Variants in ARHGAP20 observed in about 807,000 individuals in gnomAD.
ARHGAP20 encodes the protein Rho GTPase activating protein 20, also known as rho GTPase-activating protein 20.
Under a neutral mutation model 73.7 loss-of-function variants are expected in ARHGAP20, and 34 were observed. The observed-to-expected ratio is 0.46, with a 90% CI of 0.35 to 0.61. The LOEUF (loss-of-function observed/expected upper bound fraction) is 0.61, where lower values mean the gene tolerates loss of function less well. Ranked by LOEUF, ARHGAP20 falls within the 20% of genes least tolerant of loss-of-function variation. The probability of loss-of-function intolerance (pLI) is 0.00; values close to 1 mark genes in which losing one functional copy is unlikely to be tolerated. For missense variants in ARHGAP20, 1,314 were observed against 1,420.9 expected (o/e 0.92, Z 1.21); for synonymous variants, 523 against 518.2 (o/e 1.01, Z -0.13).
chr11:110,646,146 C>T lies in ARHGAP20; in HGVS notation c.189-15354G>A, dbSNP rs559558031. Among the ~76,000 whole-genome samples the T allele has an allele frequency of 2.6e-4, 40 of 152,254 alleles. No individual in the cohort carries two copies. In the South Asian group the frequency reaches 3.5e-3, roughly 13 times the overall value. ...AAAGTTGAAAAAAATCACCTAATAA[C>T]TCCTATTTAGGAAATTTATAAATAT... On this transcript the variant is annotated intron_variant, in intron 2 of 14. Coordinates refer to ENST00000683387, the MANE Select transcript of ARHGAP20 (RefSeq NM_001384657.1).
intron 2 of ARHGAP20, 24 bp from the exon 3 acceptor site, chr11:110,630,816 ATCAG>A (rs1345592422): frequency 2.5e-6 from 4 of 1,604,500 alleles, no homozygotes; most frequent in South Asian, 1.1e-5. Flanking sequence ...AATGCCACAG[ATCAG>A]TCAAACGATC....
chr11:110,662,615 A>G (rs1949640025), intron 2 of ARHGAP20, among the ~76,000 whole-genome samples: 1 of 151,930 alleles, frequency 6.6e-6, no homozygotes, highest in Middle Eastern at 3.2e-3. Flanking sequence ...TAATTCCTAC[A>G]TTCCCAGTGT....
intron 3 of ARHGAP20, 97 bp downstream of exon 3, chr11:110,630,531 G>C: frequency 7.9e-7 from 1 of 1,265,988 alleles, no homozygotes; most frequent in Admixed American, 2.3e-5. Context: ...AGTAACAAAG[G>C]CAAGACATTC....
intron 2 of ARHGAP20, among the ~76,000 whole-genome samples, chr11:110,675,844 CT>C (rs1949919405): frequency 6.6e-6 from 1 of 152,186 alleles, no homozygotes; most frequent in Admixed American, 6.5e-5. Context: ...CTGCTTTGTT[CT>C]CCTGTTTCTA....
intron 2 of ARHGAP20, among the ~76,000 whole-genome samples, chr11:110,650,227 A>G (rs536442887): frequency 2.0e-5 from 3 of 152,110 alleles, no homozygotes; most frequent in Non-Finnish European, 4.4e-5. Context: ...GTATGTATCG[A>G]GGTAGGATGC....
chr11:110,681,455 C>T (rs1950034903), intron 2 of ARHGAP20, among the ~76,000 whole-genome samples: 1 of 152,126 alleles, frequency 6.6e-6, no homozygotes, highest in Non-Finnish European at 1.5e-5. Context: ...TCGTTGAGTT[C>T]ATTCCCATTA....
intron 2 of ARHGAP20, among the ~76,000 whole-genome samples, chr11:110,686,234 A>T (rs535248375): frequency 3.3e-5 from 5 of 152,304 alleles, no homozygotes; most frequent in Admixed American, 3.3e-4. Flanking sequence ...ATTATAAAAA[A>T]GTGGACAAAA....
In ARHGAP20 at chr11:110,711,937, G is replaced by C. The variant is rs571981638; in HGVS notation, c.105+190C>G. On this transcript the variant is annotated intron_variant, in intron 1 of 14. Coordinates refer to ENST00000683387, the MANE Select transcript of ARHGAP20 (RefSeq NM_001384657.1). ...AAACGGAGAAGCGGGCGCTCTGCGGGAGGCGGCGGCGCTGCCGCTGGCCGT... is the reference window on the plus strand; with the variant it reads ...AAACGGAGAAGCGGGCGCTCTGCGGCAGGCGGCGGCGCTGCCGCTGGCCGT... The C allele has an allele frequency of 1.5e-3, 1,932 of 1,254,260 alleles. 27 individuals are homozygous for C. In the African/African-American group the frequency reaches 0.028, roughly 18 times the overall value. The allele number at this position is 1,254,260 out of a possible 1,614,324, so 77.7% of individuals were successfully genotyped here. A position where few individuals can be genotyped will look rare whatever the true frequency, so the allele number is the denominator to read the frequency against.
At chr11:110,685,506 T>TA (rs1463395018) in intron 2 of ARHGAP20, among the ~76,000 whole-genome samples, 2 of 152,060 alleles carry the variant, frequency 1.3e-5, no homozygotes, top group African/African-American at 4.8e-5. Flanking sequence ...AAAAAAATGT[T>TA]AAAATCTATG....
At chr11:110,630,518 T>A in intron 3 of ARHGAP20, 110 bp downstream of exon 3, 1 of 1,157,610 alleles carries the variant, frequency 8.6e-7, no homozygotes, top group Non-Finnish European at 1.2e-6. Context: ...AGATATTACC[T>A]ATAGTAACAA....
At chr11:110,617,055 C>T (rs571047015) in intron 4 of ARHGAP20, among the ~76,000 whole-genome samples, 8 of 152,226 alleles carry the variant, frequency 5.3e-5, no homozygotes, top group Admixed American at 3.9e-4. Context: ...CTTGGAAGGT[C>T]CCTTATGTTC....
intron 14 of ARHGAP20, among the ~76,000 whole-genome samples, chr11:110,582,042 C>A (rs985951497): frequency 2.0e-5 from 3 of 151,982 alleles, no homozygotes; most frequent in African/African-American, 7.3e-5. Flanking sequence ...AGTTAAAAAG[C>A]CCATCAAAAA....
At chr11:110,606,452 T>C in intron 9 of ARHGAP20, 109 bp downstream of exon 9, 8 of 1,205,776 alleles carry the variant, frequency 6.6e-6, no homozygotes, top group East Asian at 2.4e-5. Context: ...CTTTTCAAAA[T>C]ACTTAGCAAA....
At chr11:110,687,122 G>T (rs971774235) in intron 2 of ARHGAP20, among the ~76,000 whole-genome samples, 2 of 137,660 alleles carry the variant, frequency 1.5e-5, no homozygotes, top group Non-Finnish European at 3.1e-5. Flanking sequence ...TTTAAGACAG[G>T]GTCTGAGTGC....
intron 2 of ARHGAP20, among the ~76,000 whole-genome samples, chr11:110,657,766 A>G (rs755143802): frequency 9.9e-5 from 15 of 151,980 alleles, no homozygotes; most frequent in Non-Finnish European, 2.1e-4. Flanking sequence ...GTGGTGGCAC[A>G]TGCTTGTACT....
chr11:110,597,234 A>G (rs1217335186), intron 9 of ARHGAP20, among the ~76,000 whole-genome samples: 1 of 151,838 alleles, frequency 6.6e-6, no homozygotes, highest in Non-Finnish European at 1.5e-5. Flanking sequence ...GCACGTGTAT[A>G]CATATGTAAC....
Position 110,712,300 on chromosome 11 carries a change from G to A in ARHGAP20, c.-69C>T, listed in dbSNP as rs1025816307. On this transcript the variant is annotated 5_prime_UTR_variant, in exon 1 of 15. Transcript: ENST00000683387. ...CGATCATGTCCGCGGGCTGCCGGCCGGAGGGGCGAGGACGCGCGGGCGGAG... is the reference window on the plus strand; with the variant it reads ...CGATCATGTCCGCGGGCTGCCGGCCAGAGGGGCGAGGACGCGCGGGCGGAG... 9.1e-6 allele frequency: 11 copies of A among 1,210,624 alleles called. No individual in the cohort carries two copies. The highest frequency in any genetic ancestry group is 1.2e-5 in the Non-Finnish European group (11 of 951,198). The allele number at this position is 1,210,624 out of a possible 1,614,324, so 75.0% of individuals were successfully genotyped here. A position where few individuals can be genotyped will look rare whatever the true frequency, so the allele number is the denominator to read the frequency against.
chr11:110,695,571 T>C (rs560202928), intron 1 of ARHGAP20, among the ~76,000 whole-genome samples: 3 of 151,650 alleles, frequency 2.0e-5, no homozygotes, highest in African/African-American at 4.8e-5. Context: ...AATAAGGATA[T>C]GAGAAAATGC....
chr11:110,697,295 A>G (rs999205717), intron 1 of ARHGAP20, among the ~76,000 whole-genome samples: 2 of 151,614 alleles, frequency 1.3e-5, no homozygotes, highest in African/African-American at 2.4e-5. Flanking sequence ...GTGTAAGACA[A>G]TATCTCATTG....
Sources: allele counts gnomAD v4.1 joint callset (sites outside exome capture counted in the v4.1 genomes callset), GRCh38; gene constraint gnomAD v4.1.1; transcripts MANE v1.5; gene names NCBI Gene and HGNC (gene_info 2026-07-23, HGNC 2026-07-21).